ATXN1: variants seen among roughly 807,000 people sequenced by gnomAD.
ATXN1 encodes the protein ataxin-1.
In ATXN1, 8 loss-of-function variants were observed where a neutral mutation model predicts 56.4. The observed-to-expected ratio is 0.14, with a 90% CI of 0.08 to 0.26. ATXN1 has a LOEUF of 0.26. Ranked by LOEUF, ATXN1 falls within the 10% of genes least tolerant of loss-of-function variation. The pLI is 1.00. For synonymous variants in ATXN1, 514 were observed against 494.6 expected (o/e 1.04, Z -0.52); for missense variants, 987 against 1,106.5 (o/e 0.89, Z 1.53).
intron 3 of ATXN1, among the ~76,000 whole-genome samples, chr6:16,623,711 C>T (rs1763358528): frequency 6.6e-6 from 1 of 152,188 alleles, no homozygotes; most frequent in African/African-American, 2.4e-5. Flanking sequence ...TAGTTCATGG[C>T]ATTTTTATAA....
chr6:16,706,834 C>T (rs905546650), intron 2 of ATXN1, among the ~76,000 whole-genome samples: 1 of 152,058 alleles, frequency 6.6e-6, no homozygotes, highest in African/African-American at 2.4e-5. Flanking sequence ...CTAACTTTCT[C>T]TGATGGATCC....
At chr6:16,365,082 T>C (rs1446904331) in intron 6 of ATXN1, among the ~76,000 whole-genome samples, 3 of 152,180 alleles carry the variant, frequency 2.0e-5, no homozygotes, top group Non-Finnish European at 2.9e-5. Context: ...TATTACACTT[T>C]AAGTTCTAGG....
intron 3 of ATXN1, among the ~76,000 whole-genome samples, chr6:16,613,128 G>C (rs1235369214): frequency 1.3e-5 from 2 of 149,572 alleles, no homozygotes; most frequent in Non-Finnish European, 3.0e-5. Flanking sequence ...AGCCGGGCGC[G>C]GTGGCGGGCG....
intron 4 of ATXN1, among the ~76,000 whole-genome samples, chr6:16,560,062 G>A (rs1291022961): frequency 1.3e-5 from 2 of 152,132 alleles, no homozygotes; most frequent in Admixed American, 1.3e-4. Flanking sequence ...GCCCTCTGTT[G>A]TAGCTGGAGA....
intron 7 of ATXN1, among the ~76,000 whole-genome samples, chr6:16,324,992 T>C (rs1243992267): frequency 6.6e-6 from 1 of 152,180 alleles, no homozygotes; most frequent in African/African-American, 2.4e-5. Flanking sequence ...GACTTTTATA[T>C]GCAAACCAAC....
chr6:16,729,979 A>T (rs1759931670), intron 2 of ATXN1, among the ~76,000 whole-genome samples: 1 of 152,196 alleles, frequency 6.6e-6, no homozygotes, highest in Admixed American at 6.5e-5. Context: ...GCAACAGATT[A>T]AAAAAAGAAA....
intron 2 of ATXN1, among the ~76,000 whole-genome samples, chr6:16,699,677 A>G (rs1759240757): frequency 6.6e-6 from 1 of 152,232 alleles, no homozygotes; most frequent in South Asian, 2.1e-4. Flanking sequence ...CTGAAAGGTG[A>G]TAAGAAGAAA....
rs140776889 is a variant in ATXN1 at position 16,609,943 on chromosome 6, T to A, written c.-488-24036A>T. Among the ~76,000 whole-genome samples the A allele has an allele frequency of 3.7e-4, 57 of 152,016 alleles. 1 individual carries two copies. In the East Asian group the frequency reaches 5.4e-3, roughly 14 times the overall value. ...GAAACACCAACTTACAAAAAAAAAT[T>A]AGGATTTTTTTTCAATGACTGATTT... On this transcript the variant is annotated intron_variant, in intron 3 of 7. Transcript: ENST00000436367.
At chr6:16,597,400 G>T (rs1762834546) in intron 3 of ATXN1, among the ~76,000 whole-genome samples, 1 of 151,800 alleles carries the variant, frequency 6.6e-6, no homozygotes, top group African/African-American at 2.4e-5. Context: ...GCCTCACATG[G>T]TTGAGAATAC....
intron 6 of ATXN1, among the ~76,000 whole-genome samples, chr6:16,481,103 T>C (rs1760430168): frequency 6.6e-6 from 1 of 152,164 alleles, no homozygotes; most frequent in South Asian, 2.1e-4. Flanking sequence ...CTTGAAGCTA[T>C]CCCCAGTGCA....
chr6:16,345,052 G>C (rs1761347085), intron 6 of ATXN1, among the ~76,000 whole-genome samples: 1 of 152,146 alleles, frequency 6.6e-6, no homozygotes, highest in East Asian at 1.9e-4. Flanking sequence ...CTTATCTTGT[G>C]TCCATCTCTT....
intron 6 of ATXN1, among the ~76,000 whole-genome samples, chr6:16,457,181 T>G (rs1450949255): frequency 6.6e-6 from 1 of 152,120 alleles, no homozygotes; most frequent in Admixed American, 6.5e-5. Context: ...ATCTGACTTT[T>G]CTCAGTCCTC....
chr6:16,411,140 A>AG (rs1348693544), intron 6 of ATXN1, among the ~76,000 whole-genome samples: 8 of 151,156 alleles, frequency 5.3e-5, no homozygotes, highest in African/African-American at 1.2e-4. Context: ...AAAAAAAAAA[A>AG]AAAAAGAAAA....
intron 6 of ATXN1, among the ~76,000 whole-genome samples, chr6:16,464,981 G>A (rs897937903): frequency 2.0e-5 from 3 of 152,088 alleles, no homozygotes; most frequent in African/African-American, 7.2e-5. Flanking sequence ...GTCAGGGGTC[G>A]GGGAGGCTAG....
At chr6:16,455,659 G>A (rs1759851876) in intron 6 of ATXN1, among the ~76,000 whole-genome samples, 1 of 152,140 alleles carries the variant, frequency 6.6e-6, no homozygotes, top group South Asian at 2.1e-4. Flanking sequence ...ATGGGTACAT[G>A]AACTGTGGTA....
intron 2 of ATXN1, among the ~76,000 whole-genome samples, chr6:16,718,045 A>G (rs1759673474): frequency 6.6e-6 from 1 of 152,276 alleles, no homozygotes; most frequent in African/African-American, 2.4e-5. Flanking sequence ...TAAGAGCAAC[A>G]GCCAAATATC....
chr6:16,556,034 C>T (rs1226585229), intron 4 of ATXN1, among the ~76,000 whole-genome samples: 2 of 152,176 alleles, frequency 1.3e-5, no homozygotes, highest in Non-Finnish European at 2.9e-5. Context: ...AACATATAAA[C>T]ATGTTTCAAT....
chr6:16,521,595 G>A (rs1193814234), intron 5 of ATXN1, among the ~76,000 whole-genome samples: 1 of 152,138 alleles, frequency 6.6e-6, no homozygotes, highest in Non-Finnish European at 1.5e-5. Flanking sequence ...AAGAATAAAT[G>A]TTTCTCAAAA....
intron 4 of ATXN1, among the ~76,000 whole-genome samples, chr6:16,577,036 T>A (rs1012181847): frequency 6.6e-6 from 1 of 152,274 alleles, no homozygotes; most frequent in African/African-American, 2.4e-5. Context: ...AGATTTACCG[T>A]GCTTCACTGT....
Sources: gnomAD v4.1 joint callset for allele counts (sites outside exome capture counted in the v4.1 genomes callset) on GRCh38, gnomAD v4.1.1 for gene constraint, MANE v1.5 for transcripts, NCBI Gene and HGNC (gene_info 2026-07-23, HGNC 2026-07-21) for gene names.